Variants in NEMF observed in about 807,000 individuals in gnomAD.
NEMF encodes ribosome quality control complex subunit NEMF.
Under a neutral mutation model 162.2 loss-of-function variants are expected in NEMF, and 89 were observed. That is an observed-to-expected ratio of 0.55 (90% CI 0.46 to 0.65). NEMF has a LOEUF of 0.65. Ranked by LOEUF, NEMF falls within the 30% of genes least tolerant of loss-of-function variation. NEMF has a pLI of 0.00. For missense variants in NEMF, 1,133 were observed against 1,261.9 expected (o/e 0.90, Z 1.55); for synonymous variants, 421 against 404.5 (o/e 1.04, Z -0.49).
Position 49,838,032 on chromosome 14 carries a change from A to G in NEMF, c.574+107T>C. ...TGACAATAAACTCCTACTTACTCCA[A>G]GGATCACTTGTTCAAATTTTCTAAT... On this transcript the variant is annotated intron_variant, in intron 6 of 32. Transcript: ENST00000298310. 3 of 790,606 alleles carry G rather than the reference A, an allele frequency of 3.8e-6. No homozygotes were observed. The South Asian group carries it at 5.9e-5, about 16-fold the overall frequency. 49.0% of individuals were successfully genotyped at this position (790,606 alleles called of 1,614,324 possible). A position where few individuals can be genotyped will look rare whatever the true frequency, so the allele number is the denominator to read the frequency against.
At chr14:49,818,604 C>G (rs1891838360) in intron 16 of NEMF, among the ~76,000 whole-genome samples, 1 of 152,108 alleles carries the variant, frequency 6.6e-6, no homozygotes, top group Non-Finnish European at 1.5e-5. Flanking sequence ...AATTCCTGTT[C>G]CATTTCCTAA....
At chr14:49,798,611 T>C (rs762193271) in intron 25 of NEMF, among the ~76,000 whole-genome samples, 6 of 152,134 alleles carry the variant, frequency 3.9e-5, no homozygotes, top group South Asian at 2.1e-4. Flanking sequence ...CAAGAACCTA[T>C]TGAAAATGTT....
intron 19 of NEMF, among the ~76,000 whole-genome samples, chr14:49,804,801 C>G (rs1025977290): frequency 6.6e-6 from 1 of 152,086 alleles, no homozygotes; most frequent in African/African-American, 2.4e-5. Flanking sequence ...GAGGCGGAAG[C>G]AGGAGGATCA....
At chr14:49,803,508 C>G (rs1891046577) in intron 19 of NEMF, among the ~76,000 whole-genome samples, 1 of 151,558 alleles carries the variant, frequency 6.6e-6, no homozygotes, top group Non-Finnish European at 1.5e-5. Flanking sequence ...AAAGAATCCA[C>G]TACATCAATA....
chr14:49,800,895 C>T (rs976947691), intron 22 of NEMF, 199 bp from the exon 23 acceptor site: 1 of 526,644 alleles, frequency 1.9e-6, no homozygotes, highest in Non-Finnish European at 3.3e-6. Flanking sequence ...AAATGATCTC[C>T]AAGATCCTTT....
rs1385337216 is a variant in NEMF, at chr14:49,802,584, A to G, written c.1975-11T>C. Reference sequence around the variant, plus strand: ...ACAAGACTCATCTACCTAAAGAAACAGTTATTTTTCAGTGACGGAGCTTCA... The same window carrying G: ...ACAAGACTCATCTACCTAAAGAAACGGTTATTTTTCAGTGACGGAGCTTCA... On this transcript the variant is annotated splice_polypyrimidine_tract_variant and intron_variant, in intron 21 of 32. Coordinates refer to ENST00000298310, the MANE Select transcript of NEMF (RefSeq NM_004713.6). 3.1e-6 allele frequency: 5 copies of G among 1,613,152 alleles called. No individual in the cohort carries two copies. The highest frequency in any genetic ancestry group is 2.5e-6 in the Non-Finnish European group (3 of 1,179,794).
intron 18 of NEMF, 44 bp from the exon 19 acceptor site, chr14:49,806,177 T>C: frequency 7.4e-7 from 1 of 1,345,706 alleles, no homozygotes; most frequent in Non-Finnish European, 1.0e-6. Flanking sequence ...AGTATGGACT[T>C]TCTCCAGAGC....
At chr14:49,835,049 A>C (rs1464762217) in intron 6 of NEMF, among the ~76,000 whole-genome samples, 1 of 152,082 alleles carries the variant, frequency 6.6e-6, no homozygotes, top group Non-Finnish European at 1.5e-5. Flanking sequence ...GAATACAATA[A>C]ATTAGCCAGG....
chr14:49,784,879 A>T, intron 32 of NEMF, 46 bp downstream of exon 32: 1 of 1,522,038 alleles, frequency 6.6e-7, no homozygotes, highest in Non-Finnish European at 9.1e-7. Context: ...AACATTTTAA[A>T]TTGTACTGTC....
chr14:49,823,934 T>C (rs1187664024), intron 16 of NEMF, among the ~76,000 whole-genome samples: 2 of 152,084 alleles, frequency 1.3e-5, no homozygotes, highest in African/African-American at 2.4e-5. Flanking sequence ...TTTGGGAGGC[T>C]GAGGCGGGCA....
At chr14:49,848,833 C>CAAAAAAA (rs36090515) in intron 3 of NEMF, among the ~76,000 whole-genome samples, 2 of 40,780 alleles carry the variant, frequency 4.9e-5, no homozygotes, top group Non-Finnish European at 9.4e-5. Context: ...GACTCCGTCT[C>CAAAAAAA]AAAAAAAAAA....
rs770124921 is a variant in NEMF, at chr14:49,852,692, T to C, written c.59+3A>G. On this transcript the variant is annotated splice_donor_region_variant and intron_variant, in intron 1 of 32. Coordinates refer to ENST00000298310, the MANE Select transcript of NEMF (RefSeq NM_004713.6). ...ACGAGCCTCGTCACTTAGGGTACTG[T>C]ACCTAGCATTCAGCTCCGCGAGTAC... is the stretch of plus-strand genomic sequence containing the variant. 22 of 1,614,238 alleles carry C rather than the reference T, an allele frequency of 1.4e-5. No homozygotes were observed. The South Asian group carries it at 2.1e-4, about 15-fold the overall frequency.
At position 49,851,550 on chromosome 14, in the gene NEMF, G is replaced by GT; in HGVS notation, c.231+12dup. ...AATCTCTTAAAATTTAGCTTCAAGC[G>GT]TAACAAGTTTACCTTCATGGCAAAA... On this transcript the variant is annotated intron_variant, in intron 3 of 32. Coordinates refer to ENST00000298310, the MANE Select transcript of NEMF (RefSeq NM_004713.6). 1.9e-6 allele frequency: 3 copies of GT among 1,575,820 alleles called. No individual in the cohort carries two copies. The highest frequency in any genetic ancestry group is 1.7e-6 in the Non-Finnish European group (2 of 1,146,734).
Position 49,795,883 on chromosome 14 carries a change from C to A in NEMF, c.2527G>T (p.Asp843Tyr). 6.2e-7 allele frequency: 1 copy of A among 1,613,008 alleles called. No homozygotes were observed. Among genetic ancestry groups the A allele is most frequent in the Non-Finnish European group, 8.5e-7 (1 of 1,179,402 alleles). Reference sequence around the variant, plus strand: ...TGTACAGTACTTTCTTTTTCTTTATCCTTTCCCTCTAACGCTTCTAAATCT... The same window carrying A: ...TGTACAGTACTTTCTTTTTCTTTATACTTTCCCTCTAACGCTTCTAAATCT... ...SGDLEALEGKDKEKESTVHIE... is the reference protein window; with the variant it reads ...SGDLEALEGKYKEKESTVHIE... Residue 843 changes from aspartate to tyrosine, a missense_variant, in exon 26 of 33, where the codon GAT becomes TAT. Asp to Tyr is a radical substitution (Grantham distance 160, BLOSUM62 -3). Coordinates refer to ENST00000298310, the MANE Select transcript of NEMF (RefSeq NM_004713.6).
chr14:49,805,472 G>A (rs1208955163), intron 19 of NEMF, among the ~76,000 whole-genome samples: 2 of 149,214 alleles, frequency 1.3e-5, no homozygotes, highest in African/African-American at 5.0e-5. Flanking sequence ...AGACCAGCTT[G>A]GCCAACATGG....
At chr14:49,790,661 T>C (rs971634942) in intron 26 of NEMF, among the ~76,000 whole-genome samples, 4 of 152,114 alleles carry the variant, frequency 2.6e-5, no homozygotes, top group Admixed American at 6.5e-5. Flanking sequence ...TCCACTCATA[T>C]GTATATGAAC....
chr14:49,820,226 A>G, intron 16 of NEMF: 1 of 325,304 alleles, frequency 3.1e-6, no homozygotes, highest in Non-Finnish European at 6.1e-6. Flanking sequence ...CTGGGATAAC[A>G]GGCATGAGCC....
Position 49,785,100 on chromosome 14 carries a change from T to C in NEMF, c.3065A>G (p.Lys1022Arg). ...AAAACAAATTTAAATACCTTTTCCC[T>C]TTTTCTGCACTCCAGGAGTAAGTTT... The part of the protein sequence containing the change: ...KVKLTPGVQK[K>R]GKAAKTALNS... Residue 1022 changes from lysine to arginine, a missense_variant, in exon 31 of 33, where the codon AAG becomes AGG. Lys to Arg is a conservative substitution (Grantham distance 26, BLOSUM62 2). Around this residue, in one of 3 missense-constraint regions of NEMF, gnomAD observed 532 missense variants for 578.6 expected, o/e 0.92. Transcript: ENST00000298310. The C allele has an allele frequency of 6.2e-7, 1 of 1,603,298 alleles. No homozygotes were observed. Among genetic ancestry groups the C allele is most frequent in the Non-Finnish European group, 8.5e-7 (1 of 1,170,454 alleles).
At chr14:49,805,985 T>C (rs370582300) in intron 19 of NEMF, 36 bp downstream of exon 19, 3 of 1,464,498 alleles carry the variant, frequency 2.0e-6, no homozygotes, top group South Asian at 2.4e-5. Context: ...CAGTAGCTCT[T>C]AGTAAATTAA....
Sources: gnomAD v4.1 joint callset for allele counts (sites outside exome capture counted in the v4.1 genomes callset) on GRCh38, gnomAD v4.1.1 for gene constraint, gnomAD v4.1.1 regional missense constraint, MANE v1.5 for transcripts, NCBI Gene and HGNC (gene_info 2026-07-23, HGNC 2026-07-21) for gene names.